Variants in UROC1 observed in about 807,000 individuals in gnomAD.
The protein encoded by UROC1 is urocanate hydratase.
A neutral mutation model predicts 89.5 loss-of-function variants in UROC1; 79 were observed. That is an observed-to-expected ratio of 0.88 (90% CI 0.74 to 1.06). UROC1 has a LOEUF of 1.06. UROC1 is among the 50% of genes least tolerant of loss of function. UROC1 has a pLI of 0.00. For synonymous variants in UROC1, 361 were observed against 354.8 expected (o/e 1.02, Z -0.20); for missense variants, 885 against 907.8 (o/e 0.97, Z 0.32).
chr3:126,517,700 A>G lies in UROC1; in HGVS notation c.20T>C (p.Leu7Pro), dbSNP rs768418106. The change falls in exon 1 of 20, where the codon CTG (leucine) becomes CCG (proline). Residue 7 changes from leucine to proline, a missense_variant. Coordinates refer to ENST00000290868, the MANE Select transcript of UROC1 (RefSeq NM_144639.3). MSSLQA[L>P]CSGLPLRPLP... ...GGGCCGCAGGGGCAGGCCAGAGCAC[A>G]GCGCCTGGAGGCTAGACATGTGTGA... The G allele has an allele frequency of 6.3e-7, 1 of 1,586,852 alleles. No homozygotes were observed. Among genetic ancestry groups the G allele is most frequent in the Admixed American group, 1.8e-5 (1 of 55,908 alleles).
chr3:126,517,383 A>G (rs1328975392), intron 1 of UROC1, among the ~76,000 whole-genome samples: 2 of 152,072 alleles, frequency 1.3e-5, no homozygotes, highest in Admixed American at 1.3e-4. Flanking sequence ...CCTCATCTGT[A>G]AACAGGCACG....
intron 17 of UROC1, 29 bp from the exon 18 acceptor site, chr3:126,488,308 C>T (rs1311775591): frequency 1.2e-6 from 2 of 1,613,114 alleles, no homozygotes; most frequent in African/African-American, 1.3e-5. Context: ...CTCTGCTCAT[C>T]ACCCCCTGCA....
In UROC1 at chr3:126,509,522, C is replaced by A; in HGVS notation, c.351+63G>T. The A allele has an allele frequency of 2.1e-6, 3 of 1,396,772 alleles. No individual in the cohort carries two copies. In the South Asian group the frequency reaches 3.7e-5, roughly 17 times the overall value. 86.5% of individuals were successfully genotyped at this position (1,396,772 alleles called of 1,614,324 possible). A position where few individuals can be genotyped will look rare whatever the true frequency, so the allele number is the denominator to read the frequency against. The stretch of plus-strand genomic sequence containing the variant: ...CAAAATTAAGAGCTTAAAAGCATGA[C>A]ACGTGTGTCTCGTGTTCTGTTTCTG... On this transcript the variant is annotated intron_variant, in intron 3 of 19. Coordinates refer to ENST00000290868, the MANE Select transcript of UROC1 (RefSeq NM_144639.3).
At chr3:126,496,824 C>T (rs1455789543) in intron 14 of UROC1, among the ~76,000 whole-genome samples, 1 of 152,254 alleles carries the variant, frequency 6.6e-6, no homozygotes. Context: ...TGTGACTTCA[C>T]AGCCTTCGAC....
At chr3:126,507,638 T>A in intron 6 of UROC1, 104 bp downstream of exon 6, 1 of 1,189,932 alleles carries the variant, frequency 8.4e-7, no homozygotes, top group Admixed American at 1.7e-5. Context: ...TACAGTTCTG[T>A]GACTATGTCT....
chr3:126,499,419 G>A lies in UROC1; in HGVS notation c.1244-10C>T, dbSNP rs1277343959. The A allele has an allele frequency of 6.2e-6, 10 of 1,609,682 alleles. No homozygotes were observed. In the East Asian group the frequency reaches 1.6e-4, roughly 25 times the overall value. Reference sequence around the variant, plus strand: ...TTCTCCACATCCGCTCCTGTGGGCAGAGCCCGGACAGTCACCACCCAAGGC... The same window carrying A: ...TTCTCCACATCCGCTCCTGTGGGCAAAGCCCGGACAGTCACCACCCAAGGC... On this transcript the variant is annotated splice_polypyrimidine_tract_variant and intron_variant, in intron 12 of 19. Coordinates refer to ENST00000290868, the MANE Select transcript of UROC1 (RefSeq NM_144639.3).
At chr3:126,487,442 G>A (rs973474707) in intron 18 of UROC1, among the ~76,000 whole-genome samples, 10 of 152,248 alleles carry the variant, frequency 6.6e-5, no homozygotes, top group African/African-American at 1.9e-4. Flanking sequence ...GCCGCAGTGC[G>A]GAACTGCAGC....
rs1374430842 is a variant in UROC1, at chr3:126,481,218, A to C, written c.*1127T>G. 3 of 151,376 alleles carry C rather than the reference A, an allele frequency of 2.0e-5. No individual in the cohort carries two copies. The highest frequency in any genetic ancestry group is 4.4e-5 in the Non-Finnish European group (3 of 67,888). 9.4% of individuals were successfully genotyped at this position (151,376 alleles called of 1,614,324 possible). ...GACGGCTCTCAAGAAGCCCTGCCCC[A>C]CAGACCCCACCCTCATCTCGTGGGC... On this transcript the variant is annotated 3_prime_UTR_variant, in exon 20 of 20. Coordinates refer to ENST00000290868, the MANE Select transcript of UROC1 (RefSeq NM_144639.3).
chr3:126,492,125 C>T (rs1935669088), intron 16 of UROC1, among the ~76,000 whole-genome samples: 2 of 152,190 alleles, frequency 1.3e-5, no homozygotes, highest in Admixed American at 6.5e-5. Context: ...GCCGCCTTAC[C>T]CTTGCCTCCC....
At chr3:126,515,451 C>T (rs2107553042) in intron 1 of UROC1, among the ~76,000 whole-genome samples, 1 of 141,328 alleles carries the variant, frequency 7.1e-6, no homozygotes, top group African/African-American at 2.6e-5. Flanking sequence ...GCCCCCAGTG[C>T]CCACCACCTA....
rs752848402 is a variant in UROC1, at chr3:126,488,291, G to C, written c.1709-12C>G. 6.2e-7 allele frequency: 1 copy of C among 1,614,068 alleles called. No individual in the cohort carries two copies. Among genetic ancestry groups the C allele is most frequent in the Non-Finnish European group, 8.5e-7 (1 of 1,180,012 alleles). On this transcript the variant is annotated splice_polypyrimidine_tract_variant and intron_variant, in intron 17 of 19. Transcript: ENST00000290868. ...CTGCACAGCCATGTCTGCGGAAATA[G>C]AGACGCCTCTGCTCATCACCCCCTG...
chr3:126,500,317 C>T (rs1228379031), intron 11 of UROC1, among the ~76,000 whole-genome samples, 163 bp from the exon 12 acceptor site: 1 of 152,176 alleles, frequency 6.6e-6, no homozygotes, highest in Non-Finnish European at 1.5e-5. Flanking sequence ...TGCCCCTGCC[C>T]CTGTCATCTG....
intron 17 of UROC1, 117 bp from the exon 18 acceptor site, chr3:126,488,396 A>G: frequency 8.8e-7 from 1 of 1,134,724 alleles, no homozygotes; most frequent in Middle Eastern, 2.7e-4. Flanking sequence ...TGGGGCGGCA[A>G]CTAGGCCCTA....
Position 126,509,630 on chromosome 3 carries a change from G to A in UROC1, c.306C>T (p.Ala102=). The stretch of plus-strand genomic sequence containing the variant: ...GGTTGTTCATAATCATGTGCATGAT[G>A]GCGGCAGCCACTTTCGTCTGGCAGG... ...QYPCQTKVAA[A]IMHMIMNNLD... is the part of the protein sequence containing the mutation. Residue 102 remains alanine (A), a synonymous_variant, in exon 3 of 20, where the codon GCC becomes GCT. Coordinates refer to ENST00000290868, the MANE Select transcript of UROC1 (RefSeq NM_144639.3). 3 of 1,552,156 alleles carry A rather than the reference G, an allele frequency of 1.9e-6. No individual in the cohort carries two copies. The highest frequency in any genetic ancestry group is 2.6e-6 in the Non-Finnish European group (3 of 1,147,230).
rs185540531 is a variant in UROC1 at position 126,504,151 on chromosome 3, C to T, written c.814-68G>A. On this transcript the variant is annotated intron_variant, in intron 8 of 19. Coordinates refer to ENST00000290868, the MANE Select transcript of UROC1 (RefSeq NM_144639.3). ...GGTTACAAATCTTCCCTAAGTGTAT[C>T]ATCCTCAACTAGGAAGGTGTCATCC... The T allele has an allele frequency of 1.5e-5, 22 of 1,513,938 alleles. 1 individual carries two copies. The Admixed American group carries it at 3.2e-4, about 22-fold the overall frequency. The allele number at this position is 1,513,938 out of a possible 1,614,324, so 93.8% of individuals were successfully genotyped here.
In UROC1 at chr3:126,508,002, G is replaced by C. The variant is rs115378383; in HGVS notation, c.505C>G (p.Arg169Gly). Residue 169 changes from arginine to glycine, a missense_variant, in exon 5 of 20, where the codon CGC becomes GGC. Transcript: ENST00000290868. ...GTGATGACGAGCCGTGGGGCACTGC[G>C]GCTGCTGGGAAAGAGGCCAAGTGGG... ...GHPLGLFPSS[R>G]SAPRLVITNG... 1 of 1,613,904 alleles carries C rather than the reference G, an allele frequency of 6.2e-7. No homozygotes were observed.
intron 16 of UROC1, 68 bp downstream of exon 16, chr3:126,492,350 G>A (rs1251728661): frequency 6.8e-7 from 1 of 1,462,132 alleles, no homozygotes; most frequent in African/African-American, 1.4e-5. Flanking sequence ...CACGCAGGAA[G>A]GCCCAAGGCA....
intron 18 of UROC1, 78 bp downstream of exon 18, chr3:126,488,120 C>T: frequency 1.3e-6 from 2 of 1,520,228 alleles, no homozygotes; most frequent in South Asian, 1.1e-5. Context: ...ACTTCAGGAA[C>T]CTCAGCCTGG....
rs1163641715 is a variant in UROC1 at position 126,500,813 on chromosome 3, G to A, written c.1027C>T (p.Gln343Ter). Residue 343 changes from glutamine to a stop codon, truncating the protein, a stop_gained, in exon 11 of 20, where the codon CAG becomes TAG. Coordinates refer to ENST00000290868, the MANE Select transcript of UROC1 (RefSeq NM_144639.3). LOFTEE classifies it high-confidence loss of function. ...GECLVDLGSD[Q>*]TSCHNPFNGG... Reference sequence around the variant, plus strand: ...TTGAACGGGTTGTGGCAGGATGTCTGATCTGACCCCAGGTCCACCAAGCAC... The same window carrying A: ...TTGAACGGGTTGTGGCAGGATGTCTAATCTGACCCCAGGTCCACCAAGCAC... 1 of 1,613,896 alleles carries A rather than the reference G, an allele frequency of 6.2e-7. No individual in the cohort carries two copies. Among genetic ancestry groups the A allele is most frequent in the Non-Finnish European group, 8.5e-7 (1 of 1,180,034 alleles).
Sources: allele counts gnomAD v4.1 joint callset (sites outside exome capture counted in the v4.1 genomes callset), GRCh38; gene constraint gnomAD v4.1.1; transcripts MANE v1.5; gene names NCBI Gene and HGNC (gene_info 2026-07-23, HGNC 2026-07-21).